SRP19: variants seen among roughly 807,000 people sequenced by gnomAD.
SRP19 encodes signal recognition particle 19.
A neutral mutation model predicts 22.4 loss-of-function variants in SRP19; 11 were observed. That is an observed-to-expected ratio of 0.49 (90% confidence interval 0.31 to 0.81). SRP19 has a LOEUF of 0.81. Ranked by LOEUF, SRP19 falls within the 40% of genes least tolerant of loss-of-function variation. The pLI, the probability that SRP19 is intolerant of heterozygous loss-of-function variation, is 0.05. For missense variants in SRP19, 168 were observed against 175.9 expected (o/e 0.96, Z 0.25); for synonymous variants, 61 against 57.6 (o/e 1.06, Z -0.27).
At chr5:112,889,866 A>AC (rs1271298462) in intron 4 of SRP19, among the ~76,000 whole-genome samples, 1 of 146,680 alleles carries the variant, frequency 6.8e-6, no homozygotes, top group Non-Finnish European at 1.5e-5. Flanking sequence ...TTGCTCTCTT[A>AC]CCCAGGCTGG....
At position 112,887,214 on chromosome 5, in the gene SRP19, A is replaced by G. The variant is rs753251318; in HGVS notation, c.302-4389A>G. The G allele has an allele frequency of 2.1e-5, 32 of 1,521,478 alleles. No individual in the cohort carries two copies. The Admixed American group carries it at 3.2e-4, about 15-fold the overall frequency. 94.2% of individuals were successfully genotyped at this position (1,521,478 alleles called of 1,614,324 possible). Reference sequence around the variant, plus strand: ...CAGAAAAAGAGCCAGCATGGGTAACAGGAGGGTGGAGGGGGCACATTCTGA... The same window carrying G: ...CAGAAAAAGAGCCAGCATGGGTAACGGGAGGGTGGAGGGGGCACATTCTGA... On this transcript the variant is annotated intron_variant, in intron 4 of 4. Transcript: ENST00000391338.
At chr5:112,867,337 T>C (rs777145551) in intron 4 of SRP19, 67 bp from the exon 5 acceptor site, 59 of 1,546,008 alleles carry the variant, frequency 3.8e-5, no homozygotes, top group Middle Eastern at 1.7e-4. Flanking sequence ...CTTTGTGATA[T>C]TCAATTTGAT....
chr5:112,882,091 T>C (rs1337214542), intron 4 of SRP19: 1 of 153,990 alleles, frequency 6.5e-6, no homozygotes, highest in Non-Finnish European at 1.5e-5. Context: ...ATTTTAATTA[T>C]TGATGATTTT....
rs560721915 is a variant in SRP19, at chr5:112,886,987, G to A, written c.302-4616G>A. The A allele has an allele frequency of 7.1e-6, 11 of 1,542,158 alleles. No homozygotes were observed. In the South Asian group the frequency reaches 8.3e-5, roughly 12 times the overall value. On this transcript the variant is annotated intron_variant, in intron 4 of 4. Coordinates refer to the SRP19 transcript ENST00000391338. ...CAGTGTGTCACATCTCCTCTCACAT[G>A]TGGGGCCATCTTGTTCCTGAGTCTT...
chr5:112,863,740 C>T (rs922014648), intron 2 of SRP19, among the ~76,000 whole-genome samples: 1 of 151,944 alleles, frequency 6.6e-6, no homozygotes, highest in East Asian at 1.9e-4. Flanking sequence ...TCTCAGCGCA[C>T]TGCAGGCTCC....
chr5:112,864,207 T>C (rs1318621671), intron 2 of SRP19, among the ~76,000 whole-genome samples: 1 of 152,192 alleles, frequency 6.6e-6, no homozygotes, highest in Non-Finnish European at 1.5e-5. Flanking sequence ...GGGAATACAC[T>C]GGTTAACAAA....
intron 4 of SRP19, chr5:112,887,119 C>G: frequency 2.5e-6 from 4 of 1,613,428 alleles, no homozygotes; most frequent in Middle Eastern, 1.8e-4. Context: ...ACGGATGATG[C>G]GCTTGTAGAG....
intron 2 of SRP19, 141 bp downstream of exon 2, chr5:112,862,724 T>G: frequency 2.8e-6 from 2 of 721,954 alleles, no homozygotes; most frequent in Admixed American, 2.5e-5. Flanking sequence ...AGAATTGGGG[T>G]GCGTTCCTCA....
chr5:112,878,610 CTATATA>C (rs1329907179), intron 4 of SRP19: 1 of 925,268 alleles, frequency 1.1e-6, no homozygotes, highest in Non-Finnish European at 1.6e-6. Flanking sequence ...AAAGTGCTCC[CTATATA>C]TATAGACAGT....
intron 4 of SRP19, among the ~76,000 whole-genome samples, chr5:112,879,387 C>G (rs761853398): frequency 6.6e-6 from 1 of 152,004 alleles, no homozygotes; most frequent in African/African-American, 2.4e-5. Context: ...CCTACAGATA[C>G]CAAAATCTGT....
intron 1 of SRP19, 30 bp downstream of exon 1, chr5:112,861,447 A>T: frequency 6.2e-7 from 1 of 1,609,930 alleles, no homozygotes; most frequent in Non-Finnish European, 8.5e-7. Context: ...GTCCTCCGAA[A>T]GGAAGGGGCT....
downstream of SRP19, chr5:112,895,987 T>C (rs1163284100): frequency 6.6e-6 from 1 of 152,362 alleles, no homozygotes; most frequent in Non-Finnish European, 1.5e-5. Flanking sequence ...CAGGCCATTC[T>C]ATTCCGTCTG....
At chr5:112,892,007 A>C in exon 5 of SRP19, 1 of 1,293,098 alleles carries the variant, frequency 7.7e-7, no homozygotes, top group Non-Finnish European at 1.1e-6. Context: ...CAGAGGAAAG[A>C]GAGAGAAGAG....
At chr5:112,877,867 T>C (rs1393070269) in intron 4 of SRP19, 3 of 152,222 alleles carry the variant, frequency 2.0e-5, no homozygotes, top group Non-Finnish European at 4.4e-5. Context: ...GCTTTGAAGA[T>C]AAAACCAGAA....
chr5:112,892,860 T>A (rs768480309), exon 5 of SRP19: 1 of 1,612,576 alleles, frequency 6.2e-7, no homozygotes, highest in African/African-American at 1.3e-5. Context: ...AGAGTAGTCA[T>A]AGGGGGAAGA....
At chr5:112,882,214 G>A (rs1238304809) in intron 4 of SRP19, among the ~76,000 whole-genome samples, 1 of 152,026 alleles carries the variant, frequency 6.6e-6, no homozygotes, top group Admixed American at 6.6e-5. Flanking sequence ...CAGGATCCCT[G>A]TTAGTACCAA....
exon 5 of SRP19, chr5:112,891,649 C>G (rs1191460025): frequency 6.2e-7 from 1 of 1,608,056 alleles, no homozygotes; most frequent in South Asian, 1.1e-5. Context: ...GATGGCTGCA[C>G]TTGAGAAGAT....
At chr5:112,889,048 G>A (rs1244152237) in intron 4 of SRP19, among the ~76,000 whole-genome samples, 2 of 150,834 alleles carry the variant, frequency 1.3e-5, no homozygotes, top group African/African-American at 4.9e-5. Flanking sequence ...CCGCCACCAT[G>A]TAAGACATCC....
At chr5:112,891,589 A>C in intron 4 of SRP19, 4 of 1,555,914 alleles carry the variant, frequency 2.6e-6, no homozygotes, top group Non-Finnish European at 3.5e-6. Context: ...AAAATCTTCC[A>C]TATATTCCCA....
Sources: allele counts gnomAD v4.1 joint callset (sites outside exome capture counted in the v4.1 genomes callset), GRCh38; gene constraint gnomAD v4.1.1; transcripts MANE v1.5; gene names NCBI Gene and HGNC (gene_info 2026-07-23, HGNC 2026-07-21).